The following PEAK1 variants were observed in gnomAD, a reference collection of about 807,000 sequenced individuals.
The protein encoded by PEAK1 is inactive tyrosine-protein kinase PEAK1.
Under a neutral mutation model 124.7 loss-of-function variants are expected in PEAK1, and 54 were observed. The observed-to-expected ratio is 0.43, with a 90% confidence interval of 0.35 to 0.54. PEAK1 has a LOEUF of 0.54. Among genes scored for constraint, PEAK1 ranks in the 20% least tolerant of loss-of-function variants. The pLI is 0.01. For synonymous variants in PEAK1, 719 were observed against 760.0 expected, an observed-to-expected ratio of 0.95 and a Z score of 0.89; for missense variants, 2,046 against 2,134.5, an observed-to-expected ratio of 0.96 and a Z score of 0.82.
At chr15:77,288,672 GT>G (rs1395889008) in intron 2 of PEAK1, among the ~76,000 whole-genome samples, 8 of 152,216 alleles carry the variant, frequency 5.3e-5, no homozygotes, top group African/African-American at 1.7e-4. Flanking sequence ...GCTGGGCGTG[GT>G]GGCTCATGCC....
intron 1 of PEAK1, among the ~76,000 whole-genome samples, chr15:77,390,913 C>T (rs2070395317): frequency 6.6e-6 from 1 of 152,142 alleles, no homozygotes; most frequent in South Asian, 2.1e-4. Flanking sequence ...CCTGGGAATT[C>T]CAGGAACTCC....
intron 2 of PEAK1, among the ~76,000 whole-genome samples, chr15:77,345,251 G>A (rs1361892944): frequency 6.6e-6 from 1 of 152,150 alleles, no homozygotes; most frequent in African/African-American, 2.4e-5. Context: ...TCGTGAAAGG[G>A]TGTTAAATCT....
chr15:77,358,009 T>A (rs2067632035), intron 2 of PEAK1, among the ~76,000 whole-genome samples: 1 of 152,180 alleles, frequency 6.6e-6, no homozygotes, highest in Admixed American at 6.5e-5. Context: ...AAACTCCCTA[T>A]ATTTCCTAAT....
chr15:77,208,819 G>C (rs999911530), intron 6 of PEAK1, among the ~76,000 whole-genome samples: 6 of 152,122 alleles, frequency 3.9e-5, no homozygotes, highest in African/African-American at 1.4e-4. Flanking sequence ...TAACTCACTG[G>C]TGAAAAACTG....
At chr15:77,368,057 C>A (rs1300556362) in intron 1 of PEAK1, among the ~76,000 whole-genome samples, 1 of 152,056 alleles carries the variant, frequency 6.6e-6, no homozygotes, top group Non-Finnish European at 1.5e-5. Flanking sequence ...ATCTGTTTAC[C>A]TAATCTTCCT....
At chr15:77,355,623 G>A in intron 2 of PEAK1, 1 of 327,940 alleles carries the variant, frequency 3.0e-6, no homozygotes, top group Non-Finnish European at 4.4e-6. Context: ...GCTGCAGCCA[G>A]CTCACACCTC....
In PEAK1 at chr15:77,322,206, A is replaced by ACAT. The variant is rs566311837; in HGVS notation, c.-602-35703_-602-35702insATG. 1.5e-3 allele frequency among the ~76,000 whole-genome samples: 229 copies of ACAT among 152,372 alleles called. 1 individual carries two copies. Among genetic ancestry groups the ACAT allele is most frequent in the African/African-American group, 4.9e-3 (204 of 41,576 alleles). On this transcript the variant is annotated intron_variant, in intron 2 of 9. Coordinates refer to ENST00000682557, the MANE Select transcript of PEAK1 (RefSeq NM_001385026.1). ...GATCTAAAATTGACACTCTAACATC[A>ACAT]CAATTAAACGAACTAGAGAAGCAAG...
Position 77,267,124 on chromosome 15 carries a change from C to T in PEAK1, c.-274-14598G>A, listed in dbSNP as rs923632956. ...GTGATGCAGCAGAGGCAGCCATAATCTTCCTGGGAACATAACTGGGAACAT... is the reference window on the plus strand; with the variant it reads ...GTGATGCAGCAGAGGCAGCCATAATTTTCCTGGGAACATAACTGGGAACAT... On this transcript the variant is annotated intron_variant, in intron 5 of 9. Coordinates refer to ENST00000682557, the MANE Select transcript of PEAK1 (RefSeq NM_001385026.1). Among the ~76,000 whole-genome samples, 17 of 152,200 alleles carry T rather than the reference C, an allele frequency of 1.1e-4. No individual in the cohort carries two copies. In the East Asian group the frequency reaches 1.9e-3, roughly 17 times the overall value.
intron 1 of PEAK1, among the ~76,000 whole-genome samples, chr15:77,372,650 A>G (rs1002595303): frequency 1.3e-5 from 2 of 152,200 alleles, no homozygotes; most frequent in African/African-American, 4.8e-5. Flanking sequence ...TAAGTATCAG[A>G]CAGGCTAGCA....
chr15:77,143,026 C>A (rs1218441945), intron 8 of PEAK1, among the ~76,000 whole-genome samples: 1 of 152,114 alleles, frequency 6.6e-6, no homozygotes, highest in Admixed American at 6.5e-5. Context: ...TTCTTAGAAA[C>A]AACCATCAAT....
At chr15:77,305,330 T>C (rs2064036426) in intron 2 of PEAK1, among the ~76,000 whole-genome samples, 1 of 152,050 alleles carries the variant, frequency 6.6e-6, no homozygotes, top group Non-Finnish European at 1.5e-5. Flanking sequence ...GTCCTCCATA[T>C]AACAACAAGG....
Position 77,179,715 on chromosome 15 carries a change from T to C in PEAK1, c.2212A>G (p.Thr738Ala), listed in dbSNP as rs767297793. 3.1e-6 allele frequency: 5 copies of C among 1,613,946 alleles called. No individual in the cohort carries two copies. Among genetic ancestry groups the C allele is most frequent in the South Asian group, 1.1e-5 (1 of 91,070 alleles). The change falls in exon 7 of 10, where the codon ACT becomes GCT. Residue 738 changes from threonine (T) to alanine (A), a missense_variant. Thr to Ala is a moderately conservative substitution (Grantham distance 58, BLOSUM62 0). Transcript: ENST00000682557. ...TCTATTTTGGCCACAGGCTCTTGAG[T>C]GGCTCTCTGGATCTTTGCTGGGGAG... ...HSSPAKIQRA[T>A]QEPVAKIEGT...
At chr15:77,173,272 C>T (rs1176081870) in intron 7 of PEAK1, among the ~76,000 whole-genome samples, 2 of 152,152 alleles carry the variant, frequency 1.3e-5, no homozygotes. Context: ...ATTGACCTTA[C>T]ATGGACCATA....
At chr15:77,115,455 G>A (rs2051279984) in intron 9 of PEAK1, 136 bp from the exon 10 acceptor site, 1 of 750,774 alleles carries the variant, frequency 1.3e-6, no homozygotes, top group African/African-American at 1.8e-5. Context: ...CTTGCCCCAT[G>A]TTAAGTGGCA....
At chr15:77,402,599 T>C (rs1370143440) in intron 1 of PEAK1, 1 of 982,816 alleles carries the variant, frequency 1.0e-6, no homozygotes, top group African/African-American at 1.7e-5. Flanking sequence ...TGCTCCAGTT[T>C]TGAATGAAGG....
chr15:77,298,054 GACTCCGTCTCAAAAAAAAAAAAAAAAAA>G (rs1054112146), intron 2 of PEAK1, among the ~76,000 whole-genome samples: 16 of 86,914 alleles, frequency 1.8e-4, no homozygotes, highest in Non-Finnish European at 2.8e-4. Context: ...GACAGGGCGA[GACTCCGTCTCAAAAAAAAAAAAAAAAAA>G]AAAAAAAAGA....
At chr15:77,204,403 C>T (rs929760948) in intron 6 of PEAK1, among the ~76,000 whole-genome samples, 79 of 152,284 alleles carry the variant, frequency 5.2e-4, no homozygotes, top group African/African-American at 1.8e-3. Flanking sequence ...TTGGCATTTA[C>T]CCAAAAGAGC....
intron 6 of PEAK1, among the ~76,000 whole-genome samples, chr15:77,204,241 A>T (rs954360951): frequency 2.6e-5 from 4 of 152,228 alleles, no homozygotes; most frequent in Non-Finnish European, 5.9e-5. Flanking sequence ...TACAATAGTG[A>T]CAAAACCAAA....
chr15:77,387,827 G>C (rs1209550953), intron 1 of PEAK1, among the ~76,000 whole-genome samples: 1 of 152,190 alleles, frequency 6.6e-6, no homozygotes, highest in Non-Finnish European at 1.5e-5. Context: ...AGAACTACCA[G>C]ACTTGGTTAG....
Sources: gnomAD v4.1 joint callset for allele counts (sites outside exome capture counted in the v4.1 genomes callset) on GRCh38, gnomAD v4.1.1 for gene constraint, MANE v1.5 for transcripts, NCBI Gene and HGNC (gene_info 2026-07-23, HGNC 2026-07-21) for gene names.